The following ATG2A variants were observed in gnomAD, a reference collection of about 807,000 sequenced individuals.
The protein encoded by ATG2A is autophagy-related protein 2 homolog A.
In ATG2A, 103 loss-of-function variants were observed where a neutral mutation model predicts 214.2. The observed-to-expected ratio is 0.48, with a 90% CI of 0.41 to 0.57. The LOEUF (loss-of-function observed/expected upper bound fraction) is 0.57, where lower values mean the gene tolerates loss of function less well. Among genes scored for constraint, ATG2A ranks in the 20% least tolerant of loss-of-function variants. The pLI is 0.00. For synonymous variants in ATG2A, 1,160 were observed against 1,142.1 expected, an observed-to-expected ratio of 1.02 and a Z score of -0.32; for missense variants, 2,312 against 2,613.2, an observed-to-expected ratio of 0.88 and a Z score of 2.51.
At position 64,894,998 on chromosome 11, in the gene ATG2A, C is replaced by T; in HGVS notation, c.5792G>A (p.Trp1931Ter). 6.2e-7 allele frequency: 1 copy of T among 1,612,520 alleles called. No individual in the cohort carries two copies. The highest frequency in any genetic ancestry group is 8.5e-7 in the Non-Finnish European group (1 of 1,179,090). Residue 1931 changes from tryptophan to a stop codon, truncating the protein, a stop_gained, in exon 41 of 41, where the codon TGG (tryptophan) becomes TAG (stop). Coordinates refer to ENST00000377264, the MANE Select transcript of ATG2A (RefSeq NM_015104.3). LOFTEE classifies it high-confidence loss of function. ...TCAGTCTTGGGCACTGTCCGAGCGC[C>T]ACTTGAGGGCGTGGTCCTTGTGGGC... ...PDAHKDHALK[W>*]RSDSAQD
Position 64,895,115 on chromosome 11 carries a change from T to TGGC in ATG2A, c.5672_5674dup (p.Arg1891dup). On this transcript the variant is annotated inframe_insertion, in exon 41 of 41. Transcript: ENST00000377264. This position sits in a 1 kb window ranked among gnomAD's most constrained non-coding sequence, Gnocchi z 5.0. ...CGGCTTCACCACAGTCGGGGGCAGC[T>TGGC]GGCGGATCACGCCCCCCACGGCGCC... 1 of 1,613,066 alleles carries TGGC rather than the reference T, an allele frequency of 6.2e-7. No homozygotes were observed. Among genetic ancestry groups the TGGC allele is most frequent in the Non-Finnish European group, 8.5e-7 (1 of 1,179,804 alleles).
chr11:64,900,538 T>G lies in ATG2A; in HGVS notation c.4420A>C (p.Ser1474Arg). The change falls in exon 31 of 41, where the codon AGC (serine) becomes CGC (arginine). Residue 1474 changes from serine (S) to arginine (R), a missense_variant. By Grantham distance (110) the Ser-to-Arg change is moderately radical. Coordinates refer to ENST00000377264, the MANE Select transcript of ATG2A (RefSeq NM_015104.3). ...PQNSWRTQGG[S>R]GRQHHVLMEI... Reference sequence around the variant, plus strand: ...ATGAGGACATGGTGCTGCCGCCCGCTGCCCCCCTGCGTGCGCCATGAGTTC... The same window carrying G: ...ATGAGGACATGGTGCTGCCGCCCGCGGCCCCCCTGCGTGCGCCATGAGTTC... 1 of 1,613,402 alleles carries G rather than the reference T, an allele frequency of 6.2e-7. No homozygotes were observed. Among genetic ancestry groups the G allele is most frequent in the South Asian group, 1.1e-5 (1 of 91,082 alleles).
At chr11:64,915,127 A>C (rs1944927692) in intron 1 of ATG2A, among the ~76,000 whole-genome samples, 1 of 105,670 alleles carries the variant, frequency 9.5e-6, no homozygotes, top group Non-Finnish European at 1.8e-5. Flanking sequence ...CTAATGCCAG[A>C]TGGGACCCCC....
Position 64,911,244 on chromosome 11 carries a change from G to C in ATG2A, c.1260C>G (p.Thr420=), listed in dbSNP as rs1442357316. 1 of 1,613,984 alleles carries C rather than the reference G, an allele frequency of 6.2e-7. No homozygotes were observed. Among genetic ancestry groups the C allele is most frequent in the South Asian group, 1.1e-5 (1 of 91,084 alleles). The stretch of plus-strand genomic sequence containing the variant: ...TCTTCAGCAGCGAGTCAGGGCGCAT[G>C]GTGTCCAGGAGGGGGTTGGGGGCCA... The part of the protein sequence containing the change: ...GKMAPNPLLD[T]MRPDSLLKMT... The change falls in exon 10 of 41, where the codon ACC becomes ACG. Residue 420 remains threonine (T), a synonymous_variant. Coordinates refer to ENST00000377264, the MANE Select transcript of ATG2A (RefSeq NM_015104.3).
At chr11:64,900,654 C>A (rs1370384098) in intron 30 of ATG2A, 25 bp from the exon 31 acceptor site, 3 of 1,573,946 alleles carry the variant, frequency 1.9e-6, no homozygotes, top group South Asian at 1.2e-5. Flanking sequence ...AGGGGCCAAG[C>A]TGACTCAGAG....
In ATG2A at chr11:64,911,167, G is replaced by C. The variant is rs1442465551; in HGVS notation, c.1337C>G (p.Ser446Cys). Residue 446 changes from serine to cysteine, a missense_variant, in exon 10 of 41, where the codon TCC becomes TGC. By Grantham distance (112) the Ser-to-Cys change is moderately radical. Transcript: ENST00000377264. ...LTLLQTSAPSSGPPDLATHFF... is the reference protein window; with the variant it reads ...LTLLQTSAPSCGPPDLATHFF... ...GTGCGTGGCGAGGTCAGGTGGTCCG[G>C]AAGATGGGGCAGACGTCTGAAGCAA... The C allele has an allele frequency of 6.2e-7, 1 of 1,614,176 alleles. No individual in the cohort carries two copies. The highest frequency in any genetic ancestry group is 8.5e-7 in the Non-Finnish European group (1 of 1,180,038).
intron 1 of ATG2A, among the ~76,000 whole-genome samples, chr11:64,915,141 C>CCA (rs1944931428): frequency 1.1e-5 from 1 of 90,112 alleles, no homozygotes; most frequent in African/African-American, 3.8e-5. Context: ...GACCCCCCCC[C>CCA]CCCACCACCA....
chr11:64,895,334 C>A lies in ATG2A; in HGVS notation c.5536G>T (p.Asp1846Tyr). ...GCCTTGGCCACACCCTCCCGCAGGTCGGCAGGCTGCTGGCCCCTGCGCAGC... is the reference window on the plus strand; with the variant it reads ...GCCTTGGCCACACCCTCCCGCAGGTAGGCAGGCTGCTGGCCCCTGCGCAGC... ...RRLRRGQQPA[D>Y]LREGVAKAYD... Residue 1846 changes from aspartate to tyrosine, a missense_variant, in exon 40 of 41, where the codon GAC becomes TAC. By Grantham distance (160) the Asp-to-Tyr change is radical. Transcript: ENST00000377264. The surrounding 1 kb of genome is among the most constrained non-coding windows in gnomAD (Gnocchi z 5.0). 6.2e-7 allele frequency: 1 copy of A among 1,613,362 alleles called. No homozygotes were observed. The highest frequency in any genetic ancestry group is 8.5e-7 in the Non-Finnish European group (1 of 1,179,880).
chr11:64,906,274 C>A, intron 21 of ATG2A, 60 bp downstream of exon 21: 1 of 1,606,986 alleles, frequency 6.2e-7, no homozygotes. Context: ...TGGGGTCCCA[C>A]CGCACACCGG....
At chr11:64,912,452 C>G in intron 6 of ATG2A, 29 bp from the exon 7 acceptor site, 1 of 1,525,668 alleles carries the variant, frequency 6.6e-7, no homozygotes, top group Non-Finnish European at 8.8e-7. Flanking sequence ...GCCATGGAGC[C>G]TAGGCCCACC....
Position 64,903,478 on chromosome 11 carries a change from T to C in ATG2A, c.3535+112A>G. ...TGTAGTCCCTGCTGTGCGGGCTACGTGTGGGAGCTAAGGACCCGGCCAGCA... is the reference window on the plus strand; with the variant it reads ...TGTAGTCCCTGCTGTGCGGGCTACGCGTGGGAGCTAAGGACCCGGCCAGCA... On this transcript the variant is annotated intron_variant, in intron 25 of 40. Transcript: ENST00000377264. The surrounding 1 kb of genome is among the most constrained non-coding windows in gnomAD (Gnocchi z 4.2). 6.7e-7 allele frequency: 1 copy of C among 1,484,224 alleles called. No homozygotes were observed. Among genetic ancestry groups the C allele is most frequent in the Non-Finnish European group, 9.2e-7 (1 of 1,086,504 alleles). 91.9% of individuals were successfully genotyped at this position (1,484,224 alleles called of 1,614,324 possible). A position where few individuals can be genotyped will look rare whatever the true frequency, so the allele number is the denominator to read the frequency against.
At position 64,906,684 on chromosome 11, in the gene ATG2A, C is replaced by G; in HGVS notation, c.2964G>C (p.Lys988Asn). 1 of 1,613,598 alleles carries G rather than the reference C, an allele frequency of 6.2e-7. No homozygotes were observed. Among genetic ancestry groups the G allele is most frequent in the Non-Finnish European group, 8.5e-7 (1 of 1,180,006 alleles). ...GLGYFCLEAE[K>N]ATLYHRAAVD... ...TCACACCTCGGTGGTAGAGTGTTGC[C>G]TTTTCAGCTTCCAGACAGAAGTAGC... The change falls in exon 20 of 41, where the codon AAG becomes AAC. Residue 988 changes from lysine to asparagine, a missense_variant. Lys to Asn is a moderately conservative substitution (Grantham distance 94). Transcript: ENST00000377264.
chr11:64,898,249 T>C lies in ATG2A; in HGVS notation c.4773+12A>G. 16 of 1,613,792 alleles carry C rather than the reference T, an allele frequency of 9.9e-6. No homozygotes were observed. Among genetic ancestry groups the C allele is most frequent in the Non-Finnish European group, 1.3e-5 (15 of 1,179,824 alleles). On this transcript the variant is annotated intron_variant, in intron 33 of 40. Coordinates refer to ENST00000377264, the MANE Select transcript of ATG2A (RefSeq NM_015104.3). This position sits in a 1 kb window ranked among gnomAD's most constrained non-coding sequence, Gnocchi z 4.5. ...GGTCACCCTAGGCTCTGCCCTCACG[T>C]AGACCACTCACCTGGTCCACATTGA...
rs772821376 is a variant in ATG2A, at chr11:64,898,861, C to T, written c.4465-19G>A. The T allele has an allele frequency of 2.7e-5, 44 of 1,600,692 alleles. No homozygotes were observed. Among genetic ancestry groups the T allele is most frequent in the Admixed American group, 8.4e-5 (5 of 59,810 alleles). ...AGCTTACCTGTGGGGTGGACAGAGG[C>T]CTGGCCAGGTAAGCAGGGCCCCAAG... On this transcript the variant is annotated intron_variant, in intron 31 of 40. Transcript: ENST00000377264. The surrounding 1 kb of genome is among the most constrained non-coding windows in gnomAD (Gnocchi z 4.5).
intron 39 of ATG2A, among the ~76,000 whole-genome samples, chr11:64,896,115 G>C (rs1944139941): frequency 6.6e-6 from 1 of 152,186 alleles, no homozygotes; most frequent in Non-Finnish European, 1.5e-5. Flanking sequence ...GAAGCGTATG[G>C]CCTGAATGAA....
intron 29 of ATG2A, 90 bp from the exon 30 acceptor site, chr11:64,901,182 ATTTT>A: frequency 2.7e-6 from 3 of 1,117,132 alleles, no homozygotes; most frequent in South Asian, 1.5e-5. Context: ...CTTCTTTTTC[ATTTT>A]TTTTTTTTTA....
In ATG2A at chr11:64,912,148, C is replaced by A; in HGVS notation, c.1024G>T (p.Ala342Ser). 6.2e-7 allele frequency: 1 copy of A among 1,613,986 alleles called. No individual in the cohort carries two copies. Among genetic ancestry groups the A allele is most frequent in the Non-Finnish European group, 8.5e-7 (1 of 1,180,026 alleles). Residue 342 changes from alanine (A) to serine (S), a missense_variant, in exon 8 of 41, where the codon GCA (alanine) becomes TCA (serine). By Grantham distance (99) the Ala-to-Ser change is moderately conservative (BLOSUM62 1). Coordinates refer to ENST00000377264, the MANE Select transcript of ATG2A (RefSeq NM_015104.3). ...QDLNQQLQAGAVAEPLSPDPL... is the reference protein window; with the variant it reads ...QDLNQQLQAGSVAEPLSPDPL... ...TCTGGGCTGAGGGGCTCAGCCACTGCCCCTGCCTGCAGCTGCTGGTTCAGG... is the reference window on the plus strand; with the variant it reads ...TCTGGGCTGAGGGGCTCAGCCACTGACCCTGCCTGCAGCTGCTGGTTCAGG...
In ATG2A at chr11:64,903,850, C is replaced by G. The variant is rs1438111476; in HGVS notation, c.3465-190G>C. 1.3e-5 allele frequency among the ~76,000 whole-genome samples: 2 copies of G among 152,226 alleles called. No homozygotes were observed. Among genetic ancestry groups the G allele is most frequent in the African/African-American group, 2.4e-5 (1 of 41,462 alleles). On this transcript the variant is annotated intron_variant, in intron 24 of 40. Coordinates refer to ENST00000377264, the MANE Select transcript of ATG2A (RefSeq NM_015104.3). The surrounding 1 kb of genome is among the most constrained non-coding windows in gnomAD (Gnocchi z 4.2). ...TGGGAAGCGGGCAGCACTTGCAGCTCTCAAAGTGCCTGCAGTTCCGACACC... is the reference window on the plus strand; with the variant it reads ...TGGGAAGCGGGCAGCACTTGCAGCTGTCAAAGTGCCTGCAGTTCCGACACC...
Position 64,896,953 on chromosome 11 carries a change from CCT to C in ATG2A, c.5151-86_5151-85del, listed in dbSNP as rs376512254. 533 of 1,557,610 alleles carry C rather than the reference CCT, an allele frequency of 3.4e-4. 3 individuals carry two copies. In the African/African-American group the frequency reaches 6.5e-3, roughly 19 times the overall value. Reference sequence around the variant, plus strand: ...TGTGGGGTCAGGAGGACTCAGTACCCCTGTGGCAAGTACTGTGGGCACTCTAC... The same window carrying C: ...TGTGGGGTCAGGAGGACTCAGTACCCGTGGCAAGTACTGTGGGCACTCTAC... On this transcript the variant is annotated intron_variant, in intron 37 of 40. Coordinates refer to ENST00000377264, the MANE Select transcript of ATG2A (RefSeq NM_015104.3).
Sources: gnomAD v4.1 joint callset for allele counts (sites outside exome capture counted in the v4.1 genomes callset) on GRCh38, gnomAD v4.1.1 for gene constraint, Gnocchi (gnomAD v3.1) non-coding constraint, MANE v1.5 for transcripts, NCBI Gene and HGNC (gene_info 2026-07-23, HGNC 2026-07-21) for gene names.